Variants in RBFOX1 observed in about 807,000 individuals in gnomAD.
The protein encoded by RBFOX1 is RNA binding fox-1 homolog 1, also known as RNA binding protein fox-1 homolog 1.
RBFOX1 carries 8 observed loss-of-function variants against 57.7 expected under a neutral mutation model. The ratio of observed to expected loss-of-function variants is 0.14; its 90% confidence interval spans 0.08 to 0.25. The LOEUF is 0.25. Ranked by LOEUF, RBFOX1 falls within the 10% of genes least tolerant of loss-of-function variation. RBFOX1 has a pLI of 1.00. For synonymous variants in RBFOX1, 326 were observed against 222.4 expected, an observed-to-expected ratio of 1.47 and a Z score of -4.15; for missense variants, 611 against 548.5, an observed-to-expected ratio of 1.11 and a Z score of -1.14.
At chr16:6,637,679 G>T (rs1462820773) in intron 2 of RBFOX1, among the ~76,000 whole-genome samples, 1 of 150,232 alleles carries the variant, frequency 6.7e-6, no homozygotes, top group Non-Finnish European at 1.5e-5. Flanking sequence ...GGAGCCAGAT[G>T]ATGAAGTGGC....
rs528143155 is a variant in RBFOX1, at chr16:6,809,521, A to C, written c.-16+154871A>C. On this transcript the variant is annotated intron_variant, in intron 3 of 15. Transcript: ENST00000550418. ...AGAGCTGTCATTCACCCCAGGAGGC[A>C]GTGTGGAATAAGTTTCTGTGCACCT... Among the ~76,000 whole-genome samples, 5 of 152,268 alleles carry C rather than the reference A, an allele frequency of 3.3e-5. No homozygotes were observed. In the South Asian group the frequency reaches 1.0e-3, roughly 32 times the overall value.
chr16:7,471,846 A>C (rs1025801053), intron 4 of RBFOX1, among the ~76,000 whole-genome samples: 1 of 152,208 alleles, frequency 6.6e-6, no homozygotes, highest in Admixed American at 6.5e-5. Flanking sequence ...ATTGGCTGTC[A>C]CTAATGCTGG....
intron 3 of RBFOX1, among the ~76,000 whole-genome samples, chr16:6,682,264 C>T (rs1264991983): frequency 6.6e-6 from 1 of 152,312 alleles, no homozygotes; most frequent in East Asian, 1.9e-4. Flanking sequence ...AGATAGGAAG[C>T]ACACAGCCCT....
chr16:5,336,867 G>C (rs978243718), intron 1 of RBFOX1, among the ~76,000 whole-genome samples: 1 of 152,172 alleles, frequency 6.6e-6, no homozygotes, highest in Non-Finnish European at 1.5e-5. Context: ...CCTTTCAGAT[G>C]CCAGAGCTGA....
At chr16:5,529,461 A>T (rs1484313164) in intron 2 of RBFOX1, among the ~76,000 whole-genome samples, 2 of 148,222 alleles carry the variant, frequency 1.3e-5, no homozygotes, top group African/African-American at 2.5e-5. Flanking sequence ...CAGTGGCATG[A>T]TCTCAGCTCA....
chr16:6,990,771 A>G (rs1370734571), intron 3 of RBFOX1, among the ~76,000 whole-genome samples: 6 of 152,134 alleles, frequency 3.9e-5, no homozygotes, highest in Admixed American at 3.9e-4. Context: ...CCATCTCAGG[A>G]TAGTTCGAGC....
intron 4 of RBFOX1, among the ~76,000 whole-genome samples, chr16:5,972,629 C>G (rs1332426435): frequency 6.6e-6 from 1 of 152,186 alleles, no homozygotes; most frequent in Non-Finnish European, 1.5e-5. Flanking sequence ...AGGGAAGGTT[C>G]AGGCACGTAA....
chr16:6,296,513 C>G (rs57035629), intron 1 of RBFOX1, among the ~76,000 whole-genome samples: 2 of 151,366 alleles, frequency 1.3e-5, no homozygotes, highest in African/African-American at 2.4e-5. Context: ...CTCCGCCTCC[C>G]GGGTTCAGGC....
intron 2 of RBFOX1, among the ~76,000 whole-genome samples, chr16:6,569,190 A>G (rs1600150202): frequency 6.6e-6 from 1 of 152,294 alleles, no homozygotes; most frequent in East Asian, 1.9e-4. Context: ...TGTGGAAGCA[A>G]TGTATAAGTT....
rs1221154915 is a variant in RBFOX1 at position 7,171,141 on chromosome 16, T to C, written c.27+119043T>C. ...CTATGTCTTGGGCACTCTCAAGGCCTTACTTGCCACCATTGCCAGTCGGCA... is the reference window on the plus strand; with the variant it reads ...CTATGTCTTGGGCACTCTCAAGGCCCTACTTGCCACCATTGCCAGTCGGCA... On this transcript the variant is annotated intron_variant, in intron 4 of 15. Transcript: ENST00000550418. 4.6e-5 allele frequency among the ~76,000 whole-genome samples: 7 copies of C among 152,214 alleles called. No homozygotes were observed. In the East Asian group the frequency reaches 1.3e-3, roughly 29 times the overall value.
At chr16:6,160,533 A>G (rs1240103971) in intron 1 of RBFOX1, among the ~76,000 whole-genome samples, 1 of 152,036 alleles carries the variant, frequency 6.6e-6, no homozygotes, top group Non-Finnish European at 1.5e-5. Context: ...AGTCATTACC[A>G]CCAGAGCCTC....
intron 3 of RBFOX1, among the ~76,000 whole-genome samples, chr16:5,659,303 CTTT>C (rs779525957): frequency 2.3e-5 from 3 of 128,954 alleles, no homozygotes; most frequent in Non-Finnish European, 3.3e-5. Flanking sequence ...ATTGGTATAT[CTTT>C]TTTTTTTTTT....
At position 6,605,535 on chromosome 16, in the gene RBFOX1, G is replaced by A. The variant is rs138522258; in HGVS notation, c.-63-49068G>A. Among the ~76,000 whole-genome samples, 403 of 152,262 alleles carry A rather than the reference G, an allele frequency of 2.6e-3. 9 individuals are homozygous for A. Among genetic ancestry groups the A allele is most frequent in the Non-Finnish European group, 6.6e-4 (45 of 68,022 alleles). ...GACAGCATTTTGGCCAAATACAAGC[G>A]TCCAGTGCATTTGTCATCGGAGTGA... On this transcript the variant is annotated intron_variant, in intron 2 of 15. Coordinates refer to ENST00000550418, the MANE Select transcript of RBFOX1 (RefSeq NM_018723.4).
chr16:6,817,196 CT>C (rs1407821460), intron 3 of RBFOX1, among the ~76,000 whole-genome samples: 1 of 152,098 alleles, frequency 6.6e-6, no homozygotes, highest in Non-Finnish European at 1.5e-5. Flanking sequence ...TCACTGTCCA[CT>C]TGATTAGGTG....
intron 4 of RBFOX1, among the ~76,000 whole-genome samples, chr16:7,335,787 A>T (rs946367656): frequency 3.3e-5 from 5 of 152,162 alleles, no homozygotes; most frequent in Non-Finnish European, 7.3e-5. Flanking sequence ...CCTTTAGGAA[A>T]ATCAGAATCT....
At chr16:6,132,460 A>G (rs11865159) in intron 1 of RBFOX1, among the ~76,000 whole-genome samples, 52 of 152,292 alleles carry the variant, frequency 3.4e-4, no homozygotes, top group African/African-American at 1.2e-3. Flanking sequence ...TGAGCAGGAA[A>G]TTGATGTTTG....
rs137898725 is a variant in RBFOX1, at chr16:5,852,897, C to G, written c.319-14406C>G. Among the ~76,000 whole-genome samples, 217 of 152,212 alleles carry G rather than the reference C, an allele frequency of 1.4e-3. 2 individuals carry two copies. The highest frequency in any genetic ancestry group is 5.1e-3 in the African/African-American group (211 of 41,542). ...CTTTCCCCTGCCAGCAGACTCTTAC[C>G]CATCCTGCAAGACATTGCACTACTG... On this transcript the variant is annotated intron_variant, in intron 3 of 19. Coordinates refer to the RBFOX1 transcript ENST00000641259.
At position 7,128,408 on chromosome 16, in the gene RBFOX1, C is replaced by T. The variant is rs114155698; in HGVS notation, c.27+76310C>T. 3.7e-3 allele frequency among the ~76,000 whole-genome samples: 557 copies of T among 152,250 alleles called. 8 individuals are homozygous for T. The highest frequency in any genetic ancestry group is 0.012 in the African/African-American group (512 of 41,542). On this transcript the variant is annotated intron_variant, in intron 4 of 15. Transcript: ENST00000550418. Reference sequence around the variant, plus strand: ...AAAGCCTAGTGGCTTGAAAGAGTGACCATGAGTCTGATAAATTGGCAAACC... The same window carrying T: ...AAAGCCTAGTGGCTTGAAAGAGTGATCATGAGTCTGATAAATTGGCAAACC...
chr16:7,628,462 G>A (rs762596573), intron 10 of RBFOX1, among the ~76,000 whole-genome samples: 1 of 152,102 alleles, frequency 6.6e-6, no homozygotes, highest in Non-Finnish European at 1.5e-5. Context: ...TGTCTTTCCT[G>A]GTAGGTAGCT....
Sources: gnomAD v4.1 joint callset for allele counts (sites outside exome capture counted in the v4.1 genomes callset) on GRCh38, gnomAD v4.1.1 for gene constraint, MANE v1.5 for transcripts, NCBI Gene and HGNC (gene_info 2026-07-23, HGNC 2026-07-21) for gene names.